The following VPS13B variants were observed in gnomAD, a reference collection of about 807,000 sequenced individuals.
The protein encoded by VPS13B is vacuolar protein sorting 13 homolog B.
A neutral mutation model predicts 426.4 loss-of-function variants in VPS13B; 285 were observed. That is an observed-to-expected ratio of 0.67 (90% CI 0.61 to 0.74). The LOEUF (loss-of-function observed/expected upper bound fraction) is 0.74. Ranked by LOEUF, VPS13B falls within the 30% of genes least tolerant of loss-of-function variation. The pLI, the probability that VPS13B is intolerant of heterozygous loss-of-function variation, is 0.00. For synonymous variants in VPS13B, 1,676 were observed against 1,676.4 expected (o/e 1.00, Z 0.01); for missense variants, 4,537 against 4,782.6 (o/e 0.95, Z 1.51).
At chr8:99,582,746 C>T (rs916882159) in intron 33 of VPS13B, among the ~76,000 whole-genome samples, 1 of 152,168 alleles carries the variant, frequency 6.6e-6, no homozygotes, top group African/African-American at 2.4e-5. Context: ...AGCTCCGCCT[C>T]CTGTGTTCAC....
At chr8:99,581,029 AC>A in intron 33 of VPS13B, among the ~76,000 whole-genome samples, 2 of 148,318 alleles carry the variant, frequency 1.3e-5, no homozygotes, top group East Asian at 2.0e-4. Context: ...ACACACACAC[AC>A]AAATTAGGCA....
At position 99,156,731 on chromosome 8, in the gene VPS13B, C is replaced by T; in HGVS notation, c.2196C>T (p.His732=). 6.2e-7 allele frequency: 1 copy of T among 1,613,966 alleles called. No individual in the cohort carries two copies. ...ACCTGCTTCATTATTGTTATGTACA[C>T]TGCTATCTTAAGGTATGAAAAGTGA... ...SDNLLHYCYV[H]CYLKIFGFQA... Residue 732 remains histidine, a synonymous_variant, in exon 15 of 62, where the codon CAC becomes CAT. Coordinates refer to ENST00000357162, the MANE Select transcript of VPS13B (RefSeq NM_152564.5).
chr8:99,742,164 A>G (rs1028940801), intron 39 of VPS13B, among the ~76,000 whole-genome samples: 17 of 152,244 alleles, frequency 1.1e-4, no homozygotes, highest in Non-Finnish European at 1.8e-4. Flanking sequence ...TCCCACAGAA[A>G]TACAAACTAC....
intron 19 of VPS13B, chr8:99,341,834 C>T (rs1202027245): frequency 2.2e-5 from 5 of 224,774 alleles, no homozygotes; most frequent in Non-Finnish European, 4.7e-5. Context: ...GAAGATTTAA[C>T]GCAAAATAGA....
At position 99,064,962 on chromosome 8, in the gene VPS13B, T is replaced by G. The variant is rs58193370; in HGVS notation, c.291+26396T>G. Among the ~76,000 whole-genome samples the G allele has an allele frequency of 3.5e-4, 54 of 152,310 alleles. No individual in the cohort carries two copies. In the East Asian group the frequency reaches 0.01, roughly 29 times the overall value. On this transcript the variant is annotated intron_variant, in intron 3 of 61. Transcript: ENST00000357162. ...GAGTGGGGGCCAATATTCAACATTCTTAAAGAAAAGAATTTTCAACCCAGA... is the reference window on the plus strand; with the variant it reads ...GAGTGGGGGCCAATATTCAACATTCGTAAAGAAAAGAATTTTCAACCCAGA...
chr8:99,337,094 C>T (rs1486212013), intron 19 of VPS13B, among the ~76,000 whole-genome samples: 2 of 152,006 alleles, frequency 1.3e-5, no homozygotes, highest in Non-Finnish European at 2.9e-5. Context: ...TTCACAATAG[C>T]AAAGACTTGG....
rs1588526122 is a variant in VPS13B at position 99,590,539 on chromosome 8, T to C, written c.5220+12906T>C. ...CCAGAGATTCTGGTACATTGTGTCTTTGTTCTCATTGGTTTCAAAGAACAT... is the reference window on the plus strand; with the variant it reads ...CCAGAGATTCTGGTACATTGTGTCTCTGTTCTCATTGGTTTCAAAGAACAT... On this transcript the variant is annotated intron_variant, in intron 33 of 61. Transcript: ENST00000357162. 2.0e-5 allele frequency among the ~76,000 whole-genome samples: 3 copies of C among 152,342 alleles called. 1 individual carries two copies. Among genetic ancestry groups the C allele is most frequent in the Admixed American group, 2.0e-4 (3 of 15,308 alleles).
At chr8:99,412,322 C>T (rs752990415) in intron 21 of VPS13B, among the ~76,000 whole-genome samples, 3 of 152,150 alleles carry the variant, frequency 2.0e-5, no homozygotes, top group Admixed American at 6.5e-5. Context: ...ATTTTATTCT[C>T]TTAGTATCAA....
At chr8:99,824,556 GA>G (rs1317148114) in intron 51 of VPS13B, among the ~76,000 whole-genome samples, 2 of 150,456 alleles carry the variant, frequency 1.3e-5, no homozygotes, top group African/African-American at 2.4e-5. Context: ...AGAGAGGAGA[GA>G]TTTTTTTTTC....
chr8:99,417,275 AG>A (rs1816074648), intron 21 of VPS13B, among the ~76,000 whole-genome samples: 1 of 152,210 alleles, frequency 6.6e-6, no homozygotes, highest in Admixed American at 6.5e-5. Flanking sequence ...AAGAGTGGGA[AG>A]GGTGCTATTG....
At chr8:99,665,346 G>T (rs1448861419) in intron 35 of VPS13B, among the ~76,000 whole-genome samples, 5 of 151,996 alleles carry the variant, frequency 3.3e-5, no homozygotes, top group Non-Finnish European at 7.4e-5. Context: ...GTCAATTTTG[G>T]CTTTTGTTGC....
intron 24 of VPS13B, among the ~76,000 whole-genome samples, chr8:99,481,389 T>C (rs1292298284): frequency 6.6e-6 from 1 of 152,216 alleles, no homozygotes; most frequent in African/African-American, 2.4e-5. Flanking sequence ...GTGGTTTTAA[T>C]CCACAGGAAT....
At chr8:99,149,151 T>C (rs1810916053) in intron 14 of VPS13B, among the ~76,000 whole-genome samples, 2 of 152,244 alleles carry the variant, frequency 1.3e-5, no homozygotes. Flanking sequence ...ACTTAGCTCC[T>C]AGGATTATTT....
Position 99,854,183 on chromosome 8 carries a change from C to T in VPS13B, c.10794C>T (p.Pro3598=), listed in dbSNP as rs776249260. ...CCTTCTCGGTGTTTGAAAGAGGACC[C>T]ATCTTCACCACTGCGAGGCAGCTTG... is the stretch of plus-strand genomic sequence containing the variant. ...PLSFSVFERG[P]IFTTARQLVH... Residue 3598 remains proline (P), a synonymous_variant, in exon 56 of 62, where the codon CCC becomes CCT. Transcript: ENST00000357162. 6 of 1,613,964 alleles carry T rather than the reference C, an allele frequency of 3.7e-6. No individual in the cohort carries two copies. The highest frequency in any genetic ancestry group is 5.1e-6 in the Non-Finnish European group (6 of 1,180,002).
At chr8:99,590,429 G>T (rs1826574176) in intron 33 of VPS13B, among the ~76,000 whole-genome samples, 1 of 152,028 alleles carries the variant, frequency 6.6e-6, no homozygotes, top group Non-Finnish European at 1.5e-5. Context: ...TGTCATGTTA[G>T]GGTGTCAATT....
intron 7 of VPS13B, chr8:99,120,285 C>A (rs962216359): frequency 1.4e-5 from 2 of 144,786 alleles, no homozygotes; most frequent in African/African-American, 5.1e-5. Flanking sequence ...CTCCTGAGCT[C>A]AGGTGATCTG....
intron 3 of VPS13B, among the ~76,000 whole-genome samples, chr8:99,061,131 A>G (rs1168345840): frequency 1.3e-5 from 2 of 152,096 alleles, no homozygotes; most frequent in African/African-American, 4.8e-5. Flanking sequence ...TGCCATCTCA[A>G]TGTGTTATCT....
chr8:99,245,603 C>T (rs1020200724), intron 17 of VPS13B, among the ~76,000 whole-genome samples: 7 of 152,166 alleles, frequency 4.6e-5, no homozygotes, highest in African/African-American at 1.7e-4. Context: ...CTCTGTCGCC[C>T]AGGCTGGAGT....
At chr8:99,260,992 A>G (rs1451914253) in intron 17 of VPS13B, among the ~76,000 whole-genome samples, 1 of 151,970 alleles carries the variant, frequency 6.6e-6, no homozygotes, top group Non-Finnish European at 1.5e-5. Flanking sequence ...GGTTCACAGT[A>G]CAATTGAGAA....
Sources: gnomAD v4.1 joint callset for allele counts (sites outside exome capture counted in the v4.1 genomes callset) on GRCh38, gnomAD v4.1.1 for gene constraint, MANE v1.5 for transcripts, NCBI Gene and HGNC (gene_info 2026-07-23, HGNC 2026-07-21) for gene names.